Variants in AKT3 observed in about 807,000 individuals in gnomAD.
AKT3 encodes AKT serine/threonine kinase 3.
In AKT3, 15 loss-of-function variants were observed where a neutral mutation model predicts 65.3. The observed-to-expected ratio is 0.23, with a 90% CI of 0.15 to 0.35. The LOEUF (loss-of-function observed/expected upper bound fraction) is 0.35, where lower values mean the gene tolerates loss of function less well. Ranked by LOEUF, AKT3 falls within the 10% of genes least tolerant of loss-of-function variation. The pLI, the probability that AKT3 is intolerant of heterozygous loss-of-function variation, is 1.00. For missense variants in AKT3, 243 were observed against 576.5 expected, an observed-to-expected ratio of 0.42 and a Z score of 5.92; for synonymous variants, 206 against 183.8, an observed-to-expected ratio of 1.12 and a Z score of -0.98.
At chr1:243,846,189 T>C (rs1695514773) in intron 1 of AKT3, among the ~76,000 whole-genome samples, 1 of 152,170 alleles carries the variant, frequency 6.6e-6, no homozygotes, top group Non-Finnish European at 1.5e-5. Flanking sequence ...CTAAGCTCCA[T>C]TATTGGAAAA....
At chr1:243,702,502 C>T (rs1437957564) in intron 2 of AKT3, among the ~76,000 whole-genome samples, 1 of 152,104 alleles carries the variant, frequency 6.6e-6, no homozygotes, top group Non-Finnish European at 1.5e-5. Flanking sequence ...GTAAAAAGCC[C>T]TTAGAACATT....
intron 12 of AKT3, among the ~76,000 whole-genome samples, chr1:243,522,458 G>C (rs10927031): frequency 0.15 from 23,142 of 152,122 alleles, 2,026 homozygotes; most frequent in East Asian, 0.27. Context: ...AGGAGTTCAA[G>C]ACTAGCCTGA....
At chr1:243,634,229 T>C (rs1355365213) in intron 6 of AKT3, among the ~76,000 whole-genome samples, 3 of 152,198 alleles carry the variant, frequency 2.0e-5, no homozygotes, top group East Asian at 1.9e-4. Context: ...TTACAATACA[T>C]TGGTTTTTTA....
intron 3 of AKT3, among the ~76,000 whole-genome samples, chr1:243,673,801 G>T (rs770206971): frequency 1.1e-4 from 16 of 151,976 alleles, no homozygotes; most frequent in Non-Finnish European, 1.6e-4. Context: ...TTTTAGTAGG[G>T]ATGGGGTTTC....
chr1:243,757,194 T>A (rs779804737), intron 2 of AKT3, among the ~76,000 whole-genome samples: 1 of 152,364 alleles, frequency 6.6e-6, no homozygotes, highest in African/African-American at 2.4e-5. Context: ...ATGGTAGTGA[T>A]TGATATATCA....
intron 6 of AKT3, among the ~76,000 whole-genome samples, chr1:243,629,592 A>C (rs1481957336): frequency 6.6e-6 from 1 of 152,076 alleles, no homozygotes; most frequent in Non-Finnish European, 1.5e-5. Flanking sequence ...GGAGACCGAG[A>C]CCATCCTGGC....
At chr1:243,845,599 A>AAAAAAG (rs1056722848) in intron 1 of AKT3, among the ~76,000 whole-genome samples, 56 of 146,628 alleles carry the variant, frequency 3.8e-4, no homozygotes, top group Admixed American at 6.2e-4. Flanking sequence ...AAAAAAAAAA[A>AAAAAAG]AAAAGAAAAG....
At position 243,542,130 on chromosome 1, in the gene AKT3, A is replaced by C. The variant is rs116183255; in HGVS notation, c.1251+3380T>G. Among the ~76,000 whole-genome samples the C allele has an allele frequency of 3.6e-3, 546 of 152,350 alleles. 3 individuals carry two copies. Among genetic ancestry groups the C allele is most frequent in the Admixed American group, 5.9e-3 (90 of 15,298 alleles). On this transcript the variant is annotated intron_variant, in intron 12 of 13. Transcript: ENST00000673466. ...TCCTAAATTTATCTACAGATTCAAC[A>C]CAATCTCACACAAAATCTTAGCAGA...
intron 2 of AKT3, among the ~76,000 whole-genome samples, chr1:243,834,232 A>G (rs577408068): frequency 1.3e-5 from 2 of 152,282 alleles, no homozygotes; most frequent in African/African-American, 4.8e-5. Context: ...TCACAGCACT[A>G]CTGACAACAG....
intron 6 of AKT3, among the ~76,000 whole-genome samples, chr1:243,619,190 C>T (rs1053211536): frequency 2.8e-4 from 43 of 152,082 alleles, no homozygotes; most frequent in African/African-American, 9.9e-4. Flanking sequence ...GTGGGAGAAA[C>T]GGGAAGAGGG....
chr1:243,510,935 T>G (rs777023295), intron 13 of AKT3, among the ~76,000 whole-genome samples: 2 of 152,266 alleles, frequency 1.3e-5, no homozygotes, highest in Non-Finnish European at 2.9e-5. Context: ...TTTTGGACAA[T>G]TCTAATGCCA....
chr1:243,497,919 C>T (rs567306127), downstream of AKT3, among the ~76,000 whole-genome samples: 8 of 152,266 alleles, frequency 5.3e-5, no homozygotes, highest in Non-Finnish European at 8.8e-5. Flanking sequence ...TGGACTCAAG[C>T]GATCCTATTG....
At chr1:243,842,505 C>T (rs1214144763) in intron 2 of AKT3, among the ~76,000 whole-genome samples, 1 of 152,102 alleles carries the variant, frequency 6.6e-6, no homozygotes, top group Admixed American at 6.5e-5. Context: ...TAATAATGTG[C>T]TTAAGTTATT....
chr1:243,843,099 T>C (rs377254699), intron 2 of AKT3, 26 bp downstream of exon 2: 32 of 1,612,682 alleles, frequency 2.0e-5, no homozygotes, highest in African/African-American at 1.3e-5. Context: ...ACCAACCGTA[T>C]TATTTTTGGT....
chr1:243,624,965 C>A, intron 6 of AKT3: 1 of 304,824 alleles, frequency 3.3e-6, no homozygotes, highest in Non-Finnish European at 6.8e-6. Flanking sequence ...CATTTCCCAC[C>A]TGCCTAGTGA....
intron 8 of AKT3, among the ~76,000 whole-genome samples, chr1:243,579,264 T>C (rs977240695): frequency 6.6e-6 from 1 of 152,122 alleles, no homozygotes; most frequent in Non-Finnish European, 1.5e-5. Context: ...TGAAGGTAGA[T>C]ATGGGAATCA....
chr1:243,760,504 T>C (rs1249212002), intron 2 of AKT3, among the ~76,000 whole-genome samples: 1 of 152,120 alleles, frequency 6.6e-6, no homozygotes, highest in African/African-American at 2.4e-5. Context: ...TCATGGATTC[T>C]GTATTTGCAA....
intron 2 of AKT3, among the ~76,000 whole-genome samples, chr1:243,754,048 C>T (rs1688974200): frequency 6.6e-6 from 1 of 152,142 alleles, no homozygotes; most frequent in Admixed American, 6.5e-5. Flanking sequence ...TTTGCCTCAT[C>T]TCTATTTATT....
chr1:243,610,757 T>A (rs1030824397), intron 8 of AKT3, among the ~76,000 whole-genome samples: 4 of 152,244 alleles, frequency 2.6e-5, no homozygotes, highest in African/African-American at 7.2e-5. Context: ...AGATACTCGA[T>A]CAATAGACAA....
Sources: gnomAD v4.1 joint callset for allele counts (sites outside exome capture counted in the v4.1 genomes callset) on GRCh38, gnomAD v4.1.1 for gene constraint, MANE v1.5 for transcripts, NCBI Gene and HGNC (gene_info 2026-07-23, HGNC 2026-07-21) for gene names.